Variants in TFEC observed in about 807,000 individuals in gnomAD.
The protein encoded by TFEC is class E basic helix-loop-helix protein 34.
TFEC carries 31 observed loss-of-function variants against 41.6 expected under a neutral mutation model. The observed-to-expected ratio is 0.74, with a 90% CI of 0.56 to 1.01. The LOEUF (loss-of-function observed/expected upper bound fraction) is 1.01. Ranked by LOEUF, TFEC falls within the 50% of genes least tolerant of loss-of-function variation. The pLI, the probability that TFEC is intolerant of heterozygous loss-of-function variation, is 0.00. For missense variants in TFEC, 402 were observed against 404.1 expected, an observed-to-expected ratio of 0.99 and a Z score of 0.04; for synonymous variants, 143 against 140.6, an observed-to-expected ratio of 1.02 and a Z score of -0.12.
chr7:116,033,932 C>T (rs1795847672), upstream of TFEC, among the ~76,000 whole-genome samples: 1 of 152,114 alleles, frequency 6.6e-6, no homozygotes, highest in East Asian at 1.9e-4. Context: ...TCTTAAGCTC[C>T]TTCCAGTAAG....
chr7:116,055,552 A>G (rs1322888443), intron 3 of TFEC, among the ~76,000 whole-genome samples: 3 of 152,006 alleles, frequency 2.0e-5, no homozygotes, highest in African/African-American at 7.2e-5. Context: ...AAACCTATAA[A>G]TGATATAGGA....
chr7:115,993,315 A>C (rs1027679001), intron 1 of TFEC, among the ~76,000 whole-genome samples: 7 of 152,182 alleles, frequency 4.6e-5, no homozygotes, highest in Non-Finnish European at 5.9e-5. Context: ...GATGCCCTCT[A>C]TCACCACTCC....
At chr7:116,049,863 C>T (rs1392853409) in intron 3 of TFEC, among the ~76,000 whole-genome samples, 3 of 152,122 alleles carry the variant, frequency 2.0e-5, no homozygotes, top group African/African-American at 7.2e-5. Flanking sequence ...ACTGAACAAC[C>T]TGCTCCTGAA....
At chr7:115,973,119 A>T (rs1793210664) in intron 3 of TFEC, among the ~76,000 whole-genome samples, 1 of 152,014 alleles carries the variant, frequency 6.6e-6, no homozygotes, top group Non-Finnish European at 1.5e-5. Flanking sequence ...TGCAACAAAA[A>T]ACAGATTTGA....
chr7:116,032,759 T>C (rs1224744212), upstream of TFEC, among the ~76,000 whole-genome samples: 2 of 152,030 alleles, frequency 1.3e-5, no homozygotes, highest in African/African-American at 2.4e-5. Context: ...GGTGACAAAA[T>C]AATCTGTACA....
chr7:115,997,856 GA>G (rs1794429361), intron 1 of TFEC, among the ~76,000 whole-genome samples: 1 of 151,934 alleles, frequency 6.6e-6, no homozygotes, highest in South Asian at 2.1e-4. Flanking sequence ...TCAAGCAGAA[GA>G]AAGAATTATT....
intron 1 of TFEC, among the ~76,000 whole-genome samples, chr7:116,002,611 C>A (rs1794641254): frequency 6.6e-6 from 1 of 151,952 alleles, no homozygotes; most frequent in African/African-American, 2.4e-5. Context: ...TGTTTTATGG[C>A]ACAACAGGGT....
At chr7:115,966,299 C>T (rs1055031225) in intron 3 of TFEC, among the ~76,000 whole-genome samples, 4 of 151,502 alleles carry the variant, frequency 2.6e-5, no homozygotes, top group Admixed American at 6.6e-5. Flanking sequence ...CAAACCCTAG[C>T]GGCAGGGAGG....
At chr7:115,941,055 T>C in intron 7 of TFEC, 124 bp from the exon 8 acceptor site, 1 of 880,896 alleles carries the variant, frequency 1.1e-6, no homozygotes, top group Non-Finnish European at 1.7e-6. Flanking sequence ...ACAATACAAA[T>C]TATGAATAAT....
chr7:115,990,366 T>C (rs1247432515), intron 1 of TFEC, among the ~76,000 whole-genome samples: 1 of 152,110 alleles, frequency 6.6e-6, no homozygotes, highest in African/African-American at 2.4e-5. Flanking sequence ...GGAACAAACC[T>C]GGATGGAGAA....
At chr7:115,979,709 CT>C (rs1793540379) in intron 2 of TFEC, among the ~76,000 whole-genome samples, 1 of 152,186 alleles carries the variant, frequency 6.6e-6, no homozygotes, top group Admixed American at 6.5e-5. Context: ...CCATACTTCT[CT>C]TAACAGTCCC....
chr7:115,987,790 T>C (rs1793924149), intron 1 of TFEC, among the ~76,000 whole-genome samples: 1 of 152,124 alleles, frequency 6.6e-6, no homozygotes, highest in South Asian at 2.1e-4. Flanking sequence ...TTTATATATA[T>C]ATAAACATAT....
intron 2 of TFEC, among the ~76,000 whole-genome samples, chr7:116,111,087 A>G (rs1197646242): frequency 6.6e-6 from 1 of 151,910 alleles, no homozygotes; most frequent in African/African-American, 2.4e-5. Flanking sequence ...TCATCCATAA[A>G]GAGGTAATTC....
intron 6 of TFEC, among the ~76,000 whole-genome samples, chr7:115,945,810 C>A (rs1048598139): frequency 6.6e-6 from 1 of 151,722 alleles, no homozygotes; most frequent in Non-Finnish European, 1.5e-5. Context: ...CAAGGGTAGA[C>A]AAACTACGGC....
At position 116,014,304 on chromosome 7, in the gene TFEC, C is replaced by T. The variant is rs117502016; in HGVS notation, c.-73+16329G>A. On this transcript the variant is annotated intron_variant, in intron 1 of 7. Coordinates refer to ENST00000265440, the MANE Select transcript of TFEC (RefSeq NM_012252.4). ...AGTGCATATAAAATGTTGGAAAGAACTAAAATGACACAAAATTTCTTTGTA... is the reference window on the plus strand; with the variant it reads ...AGTGCATATAAAATGTTGGAAAGAATTAAAATGACACAAAATTTCTTTGTA... 8.3e-3 allele frequency among the ~76,000 whole-genome samples: 1,254 copies of T among 151,960 alleles called. 4 individuals are homozygous for T. Among genetic ancestry groups the T allele is most frequent in the Non-Finnish European group, 0.013 (850 of 67,930 alleles).
At chr7:115,984,197 A>G in intron 2 of TFEC, 65 bp downstream of exon 2, 1 of 1,558,216 alleles carries the variant, frequency 6.4e-7, no homozygotes, top group East Asian at 2.3e-5. Context: ...GTTGACTTCA[A>G]TTACTTTAAT....
At chr7:116,055,692 C>G (rs1796413664) in intron 3 of TFEC, among the ~76,000 whole-genome samples, 3 of 151,802 alleles carry the variant, frequency 2.0e-5, no homozygotes. Flanking sequence ...TATATCATCT[C>G]AATGATTGCC....
intron 2 of TFEC, among the ~76,000 whole-genome samples, chr7:115,975,926 T>C (rs577202797): frequency 6.6e-6 from 1 of 152,226 alleles, no homozygotes; most frequent in African/African-American, 2.4e-5. Context: ...TGGAAAAGTA[T>C]GCAAGAAACT....
At chr7:116,116,427 G>GA (rs1324412834) in intron 1 of TFEC, among the ~76,000 whole-genome samples, 3 of 151,572 alleles carry the variant, frequency 2.0e-5, no homozygotes, top group East Asian at 3.9e-4. Flanking sequence ...TCTGGCTCAA[G>GA]AAAAAAGGAA....
Sources: gnomAD v4.1 joint callset for allele counts (sites outside exome capture counted in the v4.1 genomes callset) on GRCh38, gnomAD v4.1.1 for gene constraint, MANE v1.5 for transcripts, NCBI Gene and HGNC (gene_info 2026-07-23, HGNC 2026-07-21) for gene names.